The following PTPRH variants were observed in gnomAD, a reference collection of about 807,000 sequenced individuals.
PTPRH encodes the protein protein tyrosine phosphatase receptor type H, also known as receptor-type tyrosine-protein phosphatase H.
In PTPRH, 113 loss-of-function variants were observed where a neutral mutation model predicts 130.2. That is an observed-to-expected ratio of 0.87 (90% CI 0.75 to 1.01). PTPRH has a LOEUF of 1.01. PTPRH is among the 50% of genes least tolerant of loss of function. The probability of loss-of-function intolerance (pLI) is 0.00; values close to 1 mark genes in which losing one functional copy is unlikely to be tolerated. For missense variants in PTPRH, 1,430 were observed against 1,425.0 expected, an observed-to-expected ratio of 1.00 and a Z score of -0.06; for synonymous variants, 556 against 577.9, an observed-to-expected ratio of 0.96 and a Z score of 0.54.
Position 55,199,863 on chromosome 19 carries a change from G to T in PTPRH, c.1420+373C>A, listed in dbSNP as rs145632155. ...ACAAGGAGGGAAGGGAGGAAGGAAG[G>T]CTTTAAAGGAAGGAAAGAGAAGGAA... On this transcript the variant is annotated intron_variant, in intron 7 of 19. Transcript: ENST00000376350. 3.0e-3 allele frequency among the ~76,000 whole-genome samples: 438 copies of T among 147,916 alleles called. 2 individuals carry two copies. The highest frequency in any genetic ancestry group is 0.01 in the African/African-American group (403 of 40,060).
chr19:55,208,398 A>G (rs1446673047), intron 1 of PTPRH, among the ~76,000 whole-genome samples: 12 of 1,870 alleles, frequency 6.4e-3, no homozygotes, highest in Non-Finnish European at 7.5e-3. Context: ...TGGACTCCTG[A>G]GTCTGAGGGA....
At chr19:55,208,986 T>C (rs1600090874) in intron 1 of PTPRH, among the ~76,000 whole-genome samples, 1 of 145,378 alleles carries the variant, frequency 6.9e-6, no homozygotes, top group Non-Finnish European at 1.5e-5. Flanking sequence ...GACTCCTGGG[T>C]CTGAGGGAGG....
chr19:55,194,199 C>T (rs1252061699), intron 10 of PTPRH: 9 of 1,289,544 alleles, frequency 7.0e-6, no homozygotes, highest in Non-Finnish European at 9.1e-6. Context: ...CACAGTTCTC[C>T]CAAGATCTGT....
chr19:55,193,999 C>G, intron 10 of PTPRH: 1 of 399,268 alleles, frequency 2.5e-6, no homozygotes, highest in South Asian at 2.1e-5. Context: ...CAGACACGCG[C>G]CACCACGCCC....
At position 55,206,840 on chromosome 19, in the gene PTPRH, A is replaced by G. The variant is rs146764852; in HGVS notation, c.201T>C (p.Cys67=). ...TCTCTGTTGTGCCGCCGTCTCCAGT[A>G]CACTGAACCCAGTAGTTGGAGTTCT... ...DSQNSNYWVQ[C]TGDGGTTETR... is the part of the protein sequence containing the mutation. The change falls in exon 3 of 20, where the codon TGT becomes TGC. Residue 67 remains cysteine (C), a synonymous_variant. Transcript: ENST00000376350. The G allele has an allele frequency of 3.4e-4, 548 of 1,614,104 alleles. No homozygotes were observed. In the African/African-American group the frequency reaches 3.7e-3, roughly 11 times the overall value.
chr19:55,193,931 C>T (rs1159851619), intron 10 of PTPRH: 1 of 293,094 alleles, frequency 3.4e-6, no homozygotes. Flanking sequence ...TCACCGCAAC[C>T]TCCGCCTCCT....
In PTPRH at chr19:55,185,507, G is replaced by A. The variant is rs971805495; in HGVS notation, c.3057C>T (p.His1019=). Residue 1019 remains histidine (H), a synonymous_variant, in exon 18 of 20, where the codon CAC becomes CAT. Coordinates refer to ENST00000376350, the MANE Select transcript of PTPRH (RefSeq NM_002842.5). ...GGTCCTGGGCTGGTCCCCACCTGCA[G>A]TGCACAATGGGTGGGCCTCCCTCCA... ...QTMEGGPPIV[H]CSAGVGRTGT... The A allele has an allele frequency of 1.2e-5, 19 of 1,614,098 alleles. No individual in the cohort carries two copies. Among genetic ancestry groups the A allele is most frequent in the Non-Finnish European group, 1.5e-5 (18 of 1,180,018 alleles).
intron 14 of PTPRH, among the ~76,000 whole-genome samples, chr19:55,186,865 T>C (rs1025802007): frequency 2.0e-5 from 3 of 151,280 alleles, no homozygotes; most frequent in Admixed American, 6.6e-5. Context: ...GCCAACATGG[T>C]GAAACCCGGT....
At chr19:55,202,484 G>A (rs544837832) in intron 5 of PTPRH, among the ~76,000 whole-genome samples, 162 bp from the exon 6 acceptor site, 2 of 152,308 alleles carry the variant, frequency 1.3e-5, no homozygotes, top group East Asian at 1.9e-4. Flanking sequence ...AGCACCGTGA[G>A]GTGGCTTTTG....
Position 55,185,658 on chromosome 19 carries a change from T to A in PTPRH, c.2906A>T (p.Glu969Val). 2.5e-6 allele frequency: 4 copies of A among 1,613,882 alleles called. No individual in the cohort carries two copies. Among genetic ancestry groups the A allele is most frequent in the Non-Finnish European group, 3.4e-6 (4 of 1,179,850 alleles). The change falls in exon 18 of 20, where the codon GAG becomes GTG. Residue 969 changes from glutamate to valine, a missense_variant. By Grantham distance (121) the Glu-to-Val change is moderately radical. Coordinates refer to ENST00000376350, the MANE Select transcript of PTPRH (RefSeq NM_002842.5). ...TVRELLLLQV[E>V]EQKTLSVRQF... ...GCGCACAGACAGTGTCTTCTGCTCC[T>A]CCACCTGGAAGGAGGGAGCACTCAC...
intron 9 of PTPRH, 101 bp from the exon 10 acceptor site, chr19:55,196,889 G>C: frequency 7.0e-7 from 1 of 1,422,006 alleles, no homozygotes; most frequent in Non-Finnish European, 9.5e-7. Flanking sequence ...TCCCTTCCTC[G>C]CCAAATCCAA....
At position 55,181,817 on chromosome 19, in the gene PTPRH, C is replaced by T. The variant is rs1166397637; in HGVS notation, c.3285G>A (p.Glu1095=). ...QAPAEKEVPY[E]DVENLIYENV... is the part of the protein sequence containing the mutation. ...TCTCGTAGATGAGGTTTTCGACATC[C>T]TCATACGGGACTTCCTTCTCGGCTG... The change falls in exon 20 of 20, where the codon GAG becomes GAA. Residue 1095 remains glutamate (E), a synonymous_variant. Coordinates refer to ENST00000376350, the MANE Select transcript of PTPRH (RefSeq NM_002842.5). The T allele has an allele frequency of 8.7e-6, 14 of 1,614,190 alleles. No individual in the cohort carries two copies. Among genetic ancestry groups the T allele is most frequent in the Non-Finnish European group, 1.2e-5 (14 of 1,180,040 alleles).
At position 55,181,885 on chromosome 19, in the gene PTPRH, G is replaced by A; in HGVS notation, c.3217C>T (p.His1073Tyr). 2 of 1,614,212 alleles carry A rather than the reference G, an allele frequency of 1.2e-6. No homozygotes were observed. Among genetic ancestry groups the A allele is most frequent in the Non-Finnish European group, 8.5e-7 (1 of 1,180,030 alleles). ...VQTEAQYVFL[H>Y]QCILRFLQQS... is the part of the protein sequence containing the mutation. ...TGGAGGAACCGCAGGATGCACTGAT[G>A]CAGGAATACGTACTGAGCCTGGGAA... The change falls in exon 20 of 20, where the codon CAT becomes TAT. Residue 1073 changes from histidine to tyrosine, a missense_variant. By Grantham distance (83) the His-to-Tyr change is moderately conservative. Transcript: ENST00000376350.
chr19:55,191,746 G>C lies in PTPRH; in HGVS notation c.2258-5C>G, dbSNP rs747200105. On this transcript the variant is annotated splice_region_variant and splice_polypyrimidine_tract_variant and intron_variant, in intron 10 of 19. Coordinates refer to ENST00000376350, the MANE Select transcript of PTPRH (RefSeq NM_002842.5). The stretch of plus-strand genomic sequence containing the variant: ...CAAAGGCTCCGGCAATGACCCCTGT[G>C]GGGAGGAGGCATCGGGAACCCTCAG... The C allele has an allele frequency of 2.5e-6, 4 of 1,612,448 alleles. No homozygotes were observed. In the South Asian group the frequency reaches 4.4e-5, roughly 18 times the overall value.
chr19:55,206,636 C>G (rs1423508665), intron 3 of PTPRH, 53 bp downstream of exon 3: 5 of 1,509,014 alleles, frequency 3.3e-6, no homozygotes, highest in Non-Finnish European at 4.5e-6. Context: ...TCAACCACCC[C>G]CTACCACTGT....
At chr19:55,185,139 T>C (rs375890159) in intron 18 of PTPRH, among the ~76,000 whole-genome samples, 2,601 of 151,852 alleles carry the variant, frequency 0.017, 80 homozygotes, top group African/African-American at 0.059. Context: ...GGATTACAGG[T>C]GCCCGCCACG....
Position 55,206,935 on chromosome 19 carries a change from G to T in PTPRH, c.106C>A (p.Leu36Met). 1.2e-6 allele frequency: 2 copies of T among 1,603,534 alleles called. No homozygotes were observed. The highest frequency in any genetic ancestry group is 1.7e-6 in the Non-Finnish European group (2 of 1,173,042). Reference sequence around the variant, plus strand: ...CTGGTGGTCTGAGTCTCCACTGTCAGGTTCCTCCCTGGGTTGGGGGCTGAG... The same window carrying T: ...CTGGTGGTCTGAGTCTCCACTGTCATGTTCCTCCCTGGGTTGGGGGCTGAG... ...RAPAPNPGRN[L>M]TVETQTTSSI... Residue 36 changes from leucine to methionine, a missense_variant, in exon 3 of 20, where the codon CTG becomes ATG. Physicochemically the swap from Leu to Met is conservative, Grantham distance 15. Transcript: ENST00000376350.
At chr19:55,204,607 C>G (rs141964447) in intron 4 of PTPRH, among the ~76,000 whole-genome samples, 7 of 152,026 alleles carry the variant, frequency 4.6e-5, no homozygotes, top group African/African-American at 1.7e-4. Flanking sequence ...TTTTTCTCCC[C>G]CACCAGTGTC....
At chr19:55,199,075 C>A (rs998755394) in intron 7 of PTPRH, among the ~76,000 whole-genome samples, 163 bp from the exon 8 acceptor site, 1 of 151,968 alleles carries the variant, frequency 6.6e-6, no homozygotes, top group African/African-American at 2.4e-5. Flanking sequence ...GAAGCTAAAC[C>A]GGGAGGGTTG....
Sources: allele counts gnomAD v4.1 joint callset (sites outside exome capture counted in the v4.1 genomes callset), GRCh38; gene constraint gnomAD v4.1.1; transcripts MANE v1.5; gene names NCBI Gene and HGNC (gene_info 2026-07-23, HGNC 2026-07-21).